Variants in DRD2 observed in about 807,000 individuals in gnomAD.
The protein encoded by DRD2 is dopamine receptor D2.
Under a neutral mutation model 38.0 loss-of-function variants are expected in DRD2, and 8 were observed. The observed-to-expected ratio is 0.21, with a 90% CI of 0.12 to 0.38. DRD2 has a LOEUF of 0.38. Ranked by LOEUF, DRD2 falls within the 10% of genes least tolerant of loss-of-function variation. DRD2 has a pLI of 1.00. For missense variants in DRD2, 403 were observed against 607.7 expected, an observed-to-expected ratio of 0.66 and a Z score of 3.54; for synonymous variants, 230 against 238.6, an observed-to-expected ratio of 0.96 and a Z score of 0.33.
At chr11:113,455,324 A>G (rs1951259032) in intron 1 of DRD2, among the ~76,000 whole-genome samples, 1 of 152,102 alleles carries the variant, frequency 6.6e-6, no homozygotes, top group Non-Finnish European at 1.5e-5. Flanking sequence ...ATCACACCAC[A>G]GCACTCCAGC....
intron 2 of DRD2, 128 bp from the exon 3 acceptor site, chr11:113,418,264 A>T (rs1950846983): frequency 5.2e-6 from 4 of 768,304 alleles, no homozygotes; most frequent in Middle Eastern, 2.3e-4. Flanking sequence ...GTGGGCATCC[A>T]GCTGGGGTGT....
At chr11:113,449,748 T>C (rs960196270) in intron 1 of DRD2, among the ~76,000 whole-genome samples, 1 of 152,068 alleles carries the variant, frequency 6.6e-6, no homozygotes, top group African/African-American at 2.4e-5. Context: ...ATGGTCTGAA[T>C]ACCTAGCAAG....
intron 1 of DRD2, among the ~76,000 whole-genome samples, chr11:113,436,523 TGG>T (rs1406966970): frequency 2.8e-4 from 43 of 152,328 alleles, no homozygotes; most frequent in African/African-American, 9.1e-4. Context: ...TATGGCATTC[TGG>T]TGAATTTTTT....
rs573441643 is a variant in DRD2, at chr11:113,424,212, C to T, written c.285+155G>A. On this transcript the variant is annotated intron_variant, in intron 2 of 7. Coordinates refer to ENST00000362072, the MANE Select transcript of DRD2 (RefSeq NM_000795.4). Reference sequence around the variant, plus strand: ...TATTAAGGAAACAATCTACCCATTTCGTAAGGAGAAAAAGTAAGCCCAGAG... The same window carrying T: ...TATTAAGGAAACAATCTACCCATTTTGTAAGGAGAAAAAGTAAGCCCAGAG... 93 of 756,708 alleles carry T rather than the reference C, an allele frequency of 1.2e-4. No individual in the cohort carries two copies. In the East Asian group the frequency reaches 2.3e-3, roughly 19 times the overall value. The allele number at this position is 756,708 out of a possible 1,614,324, so 46.9% of individuals were successfully genotyped here.
chr11:113,420,970 C>A (rs1177623293), intron 2 of DRD2, among the ~76,000 whole-genome samples: 1 of 152,162 alleles, frequency 6.6e-6, no homozygotes, highest in Non-Finnish European at 1.5e-5. Context: ...TGAGCTGGCT[C>A]AGCTAAGTCC....
chr11:113,419,822 T>C (rs1271327726), intron 2 of DRD2, among the ~76,000 whole-genome samples: 1 of 152,210 alleles, frequency 6.6e-6, no homozygotes. Context: ...AGCTCAATGA[T>C]GGGCAATGCA....
chr11:113,458,421 T>A (rs951229135), intron 1 of DRD2, among the ~76,000 whole-genome samples: 8 of 151,990 alleles, frequency 5.3e-5, no homozygotes, highest in African/African-American at 1.9e-4. Flanking sequence ...GAAAAGGTTG[T>A]GTTTACTCTT....
rs1296819671 is a variant in DRD2 at position 113,424,471 on chromosome 11, G to T, written c.181C>A (p.Arg61Ser). Residue 61 changes from arginine (R) to serine (S), a missense_variant, in exon 2 of 8, where the codon CGC becomes AGC. Transcript: ENST00000362072. The part of the protein sequence containing the change: ...GNVLVCMAVS[R>S]EKALQTTTNY... ...GTGGTGGTCTGCAGCGCCTTCTCGC[G>T]GGACACAGCCATGCACACCAGCACG... is the stretch of plus-strand genomic sequence containing the variant. The T allele has an allele frequency of 6.2e-7, 1 of 1,614,256 alleles. No individual in the cohort carries two copies. The highest frequency in any genetic ancestry group is 8.5e-7 in the Non-Finnish European group (1 of 1,180,048).
At chr11:113,466,207 G>T (rs1204762274) in intron 1 of DRD2, among the ~76,000 whole-genome samples, 1 of 152,222 alleles carries the variant, frequency 6.6e-6, no homozygotes, top group African/African-American at 2.4e-5. Flanking sequence ...TCTTAAAAGT[G>T]CTTTGTGGAA....
At chr11:113,450,356 G>C (rs1462941189) in intron 1 of DRD2, among the ~76,000 whole-genome samples, 1 of 152,256 alleles carries the variant, frequency 6.6e-6, no homozygotes, top group Non-Finnish European at 1.5e-5. Context: ...GACCAAGCAG[G>C]GCAGGGTTAT....
intron 1 of DRD2, among the ~76,000 whole-genome samples, chr11:113,426,238 A>G (rs189813180): frequency 1.3e-5 from 2 of 151,974 alleles, no homozygotes; most frequent in African/African-American, 4.8e-5. Flanking sequence ...GGGTAATGCT[A>G]GGATTTCTGC....
At position 113,416,963 on chromosome 11, in the gene DRD2, C is replaced by T. The variant is rs201471837; in HGVS notation, c.432G>A (p.Thr144=). The change falls in exon 4 of 8, where the codon ACG becomes ACA. Residue 144 remains threonine (T), a synonymous_variant. Coordinates refer to ENST00000362072, the MANE Select transcript of DRD2 (RefSeq NM_000795.4). Reference sequence around the variant, plus strand: ...TGACCCGGCGCTTGGAGCTGTAGCGCGTATTGTACAGCATGGGCATGGCCA... The same window carrying T: ...TGACCCGGCGCTTGGAGCTGTAGCGTGTATTGTACAGCATGGGCATGGCCA... ...TAVAMPMLYN[T]RYSSKRRVTV... is the part of the protein sequence containing the mutation. 4.3e-5 allele frequency: 70 copies of T among 1,614,094 alleles called. No individual in the cohort carries two copies. The highest frequency in any genetic ancestry group is 8.8e-5 in the South Asian group (8 of 91,042).
At chr11:113,461,234 A>G (rs1227581525) in intron 1 of DRD2, among the ~76,000 whole-genome samples, 1 of 152,210 alleles carries the variant, frequency 6.6e-6, no homozygotes, top group African/African-American at 2.4e-5. Flanking sequence ...AGCATCCCCT[A>G]TGTCCTTACA....
At chr11:113,422,779 A>G (rs2734832) in intron 2 of DRD2, among the ~76,000 whole-genome samples, 65,445 of 152,024 alleles carry the variant, frequency 0.43, 17,112 homozygotes, top group Non-Finnish European at 0.6. Context: ...TTGGGGGCCC[A>G]GGGACAGGGA....
intron 1 of DRD2, among the ~76,000 whole-genome samples, chr11:113,442,188 C>T (rs1481157247): frequency 1.3e-5 from 2 of 152,142 alleles, no homozygotes; most frequent in Non-Finnish European, 2.9e-5. Flanking sequence ...GAAGCCAAGG[C>T]AGAGATCCCT....
In DRD2 at chr11:113,470,050, G is replaced by A. The variant is rs117419908; in HGVS notation, c.-32+5026C>T. On this transcript the variant is annotated intron_variant, in intron 1 of 7. Transcript: ENST00000362072. The stretch of plus-strand genomic sequence containing the variant: ...CAGCAAAGGAGGGTCTGGTGAACAG[G>A]ACCACTTCTCATTCTAGGGAAGCCT... Among the ~76,000 whole-genome samples, 14 of 152,248 alleles carry A rather than the reference G, an allele frequency of 9.2e-5. No homozygotes were observed. The East Asian group carries it at 2.7e-3, about 29-fold the overall frequency.
chr11:113,472,739 A>T (rs183073457), intron 1 of DRD2, among the ~76,000 whole-genome samples: 1 of 152,380 alleles, frequency 6.6e-6, no homozygotes, highest in East Asian at 1.9e-4. Context: ...TTAGGTTAAC[A>T]GATCACAGCA....
chr11:113,452,461 TGTGTGTGTGC>T (rs1259150260), intron 1 of DRD2, among the ~76,000 whole-genome samples: 4 of 89,682 alleles, frequency 4.5e-5, no homozygotes, highest in African/African-American at 1.1e-4. Flanking sequence ...TGTGTGTGTG[TGTGTGTGTGC>T]GCGCGCGCGC....
At chr11:113,461,066 C>T (rs1951313567) in intron 1 of DRD2, among the ~76,000 whole-genome samples, 1 of 152,168 alleles carries the variant, frequency 6.6e-6, no homozygotes, top group African/African-American at 2.4e-5. Flanking sequence ...TTGGAAAGCC[C>T]AAGAGGGCAG....
Sources: allele counts gnomAD v4.1 joint callset (sites outside exome capture counted in the v4.1 genomes callset), GRCh38; gene constraint gnomAD v4.1.1; transcripts MANE v1.5; gene names NCBI Gene and HGNC (gene_info 2026-07-23, HGNC 2026-07-21).